The following ZFHX3 variants were observed in gnomAD, a reference collection of about 807,000 sequenced individuals.
The protein encoded by ZFHX3 is zinc finger homeobox protein 3.
A neutral mutation model predicts 279.1 loss-of-function variants in ZFHX3; 42 were observed. That is an observed-to-expected ratio of 0.15 (90% confidence interval 0.12 to 0.19). ZFHX3 has a LOEUF of 0.19. Among genes scored for constraint, ZFHX3 ranks in the 10% least tolerant of loss-of-function variants. The pLI is 1.00. For missense variants in ZFHX3, 4,981 were observed against 4,754.0 expected, an observed-to-expected ratio of 1.05 and a Z score of -1.40; for synonymous variants, 2,293 against 1,957.8, an observed-to-expected ratio of 1.17 and a Z score of -4.52.
At chr16:73,890,193 T>C (rs2142423849) in intron 1 of ZFHX3, among the ~76,000 whole-genome samples, 1 of 151,750 alleles carries the variant, frequency 6.6e-6, no homozygotes, top group Non-Finnish European at 1.5e-5. Context: ...TTGTACTTCG[T>C]TGTTAAATTT....
chr16:73,891,026 C>CG (rs1179489587), intron 1 of ZFHX3, among the ~76,000 whole-genome samples: 2 of 150,306 alleles, frequency 1.3e-5, no homozygotes, highest in African/African-American at 4.9e-5. Context: ...GCCGCTCCCC[C>CG]CCTCCACCTC....
At chr16:73,391,167 C>T (rs1449458552) in intron 3 of ZFHX3, among the ~76,000 whole-genome samples, 4 of 152,116 alleles carry the variant, frequency 2.6e-5, no homozygotes, top group African/African-American at 9.7e-5. Flanking sequence ...AGTGACTGTC[C>T]AGTGAGTCAT....
intron 1 of ZFHX3, among the ~76,000 whole-genome samples, chr16:73,743,155 T>C (rs2053674127): frequency 6.6e-6 from 1 of 152,218 alleles, no homozygotes; most frequent in Non-Finnish European, 1.5e-5. Flanking sequence ...ACTTGCTTTT[T>C]TTCTACTTAA....
At position 73,766,794 on chromosome 16, in the gene ZFHX3, C is replaced by T. The variant is rs2053950121; in HGVS notation, c.-1607-86554G>A. On this transcript the variant is annotated intron_variant, in intron 1 of 17. Transcript: ENST00000641206. ...CACTCACTGTGCCCAGGTTAGCTGGCACTAAAGGAAGCTCATGGAAAATGA... is the reference window on the plus strand; with the variant it reads ...CACTCACTGTGCCCAGGTTAGCTGGTACTAAAGGAAGCTCATGGAAAATGA... Among the ~76,000 whole-genome samples the T allele has an allele frequency of 3.3e-5, 5 of 152,086 alleles. No homozygotes were observed. In the South Asian group the frequency reaches 8.3e-4, roughly 25 times the overall value.
At chr16:73,843,778 G>C (rs1310938595) in intron 1 of ZFHX3, among the ~76,000 whole-genome samples, 1 of 152,106 alleles carries the variant, frequency 6.6e-6, no homozygotes, top group Non-Finnish European at 1.5e-5. Context: ...AAAAATTTTA[G>C]GCTTTCTGGA....
chr16:73,857,246 C>A (rs1339665680), intron 1 of ZFHX3, among the ~76,000 whole-genome samples: 2 of 152,106 alleles, frequency 1.3e-5, no homozygotes, highest in Non-Finnish European at 2.9e-5. Flanking sequence ...AAGATTTGCT[C>A]TAGAATGAAT....
chr16:73,071,495 G>T (rs1965827028), intron 8 of ZFHX3, among the ~76,000 whole-genome samples: 1 of 152,028 alleles, frequency 6.6e-6, no homozygotes, highest in Non-Finnish European at 1.5e-5. Context: ...CGCCGCCGCC[G>T]CCGATACTGC....
chr16:73,885,700 G>C (rs1051082524), intron 1 of ZFHX3, among the ~76,000 whole-genome samples: 3 of 152,140 alleles, frequency 2.0e-5, no homozygotes, highest in Non-Finnish European at 4.4e-5. Flanking sequence ...TATTATCACA[G>C]GGTTTGGGAA....
intron 1 of ZFHX3, among the ~76,000 whole-genome samples, chr16:73,876,962 A>G (rs1383857524): frequency 1.3e-5 from 2 of 152,034 alleles, no homozygotes; most frequent in African/African-American, 2.4e-5. Flanking sequence ...ATTTGGACTT[A>G]CTAAAAAATC....
chr16:73,043,524 A>C (rs1965189775), intron 1 of ZFHX3, among the ~76,000 whole-genome samples: 1 of 152,200 alleles, frequency 6.6e-6, no homozygotes, highest in Non-Finnish European at 1.5e-5. Context: ...ACGTCAAAGA[A>C]AGAAAAAATC....
At chr16:72,931,882 C>T (rs1004158776) in intron 3 of ZFHX3, among the ~76,000 whole-genome samples, 1 of 152,208 alleles carries the variant, frequency 6.6e-6, no homozygotes, top group African/African-American at 2.4e-5. Flanking sequence ...GCTGTTCCCC[C>T]TTTTACGATA....
chr16:73,375,331 A>T (rs1481258466), intron 3 of ZFHX3, among the ~76,000 whole-genome samples: 1 of 152,192 alleles, frequency 6.6e-6, no homozygotes, highest in Non-Finnish European at 1.5e-5. Flanking sequence ...TTGATGTGAC[A>T]AAATGTTCTG....
chr16:73,884,300 A>T (rs2030276586), intron 1 of ZFHX3, among the ~76,000 whole-genome samples: 1 of 152,186 alleles, frequency 6.6e-6, no homozygotes, highest in Admixed American at 6.5e-5. Context: ...GTTAAAAAAA[A>T]AATTGGTTAT....
chr16:72,901,390 T>A (rs148218955), intron 3 of ZFHX3, among the ~76,000 whole-genome samples: 1,950 of 152,292 alleles, frequency 0.013, 18 homozygotes, highest in Non-Finnish European at 0.02. Context: ...GTTCCTACTA[T>A]TTGCTGACAA....
chr16:73,722,526 A>G (rs1290536494), intron 1 of ZFHX3, among the ~76,000 whole-genome samples: 2 of 152,264 alleles, frequency 1.3e-5, no homozygotes, highest in African/African-American at 4.8e-5. Flanking sequence ...CAGAGAAGAT[A>G]GTTCAAAATA....
chr16:73,320,444 C>T (rs999648622), intron 3 of ZFHX3, among the ~76,000 whole-genome samples: 3 of 152,132 alleles, frequency 2.0e-5, no homozygotes, highest in Non-Finnish European at 4.4e-5. Context: ...ACATAAAAGT[C>T]CATTGACAGC....
chr16:72,936,418 G>C (rs1960128673), intron 3 of ZFHX3, among the ~76,000 whole-genome samples: 1 of 152,198 alleles, frequency 6.6e-6, no homozygotes, highest in Admixed American at 6.5e-5. Flanking sequence ...GAACAGACAA[G>C]AAAAATAAAT....
intron 1 of ZFHX3, chr16:73,816,123 T>C (rs1391172036): frequency 6.6e-6 from 1 of 152,232 alleles, no homozygotes; most frequent in Non-Finnish European, 1.5e-5. Context: ...ACTATTTATG[T>C]TATGTATACA....
At chr16:73,468,341 G>T (rs140177323) in intron 2 of ZFHX3, among the ~76,000 whole-genome samples, 2 of 152,174 alleles carry the variant, frequency 1.3e-5, no homozygotes, top group African/African-American at 4.8e-5. Flanking sequence ...CCTTAAGGAC[G>T]GTTCCTGGAA....
Sources: allele counts gnomAD v4.1 joint callset (sites outside exome capture counted in the v4.1 genomes callset), GRCh38; gene constraint gnomAD v4.1.1; transcripts MANE v1.5; gene names NCBI Gene and HGNC (gene_info 2026-07-23, HGNC 2026-07-21).